AAK1: variants seen among roughly 807,000 people sequenced by gnomAD.
The protein encoded by AAK1 is AP2-associated protein kinase 1.
A neutral mutation model predicts 116.0 loss-of-function variants in AAK1; 37 were observed. That is an observed-to-expected ratio of 0.32 (90% CI 0.25 to 0.42). The LOEUF is 0.42. Ranked by LOEUF, AAK1 falls within the 10% of genes least tolerant of loss-of-function variation. The probability of loss-of-function intolerance (pLI) is 1.00; values close to 1 mark genes in which losing one functional copy is unlikely to be tolerated. For missense variants in AAK1, 919 were observed against 1,170.6 expected (o/e 0.79, Z 3.14); for synonymous variants, 458 against 439.9 (o/e 1.04, Z -0.51).
At chr2:69,587,408 CAT>C (rs1461452039) in intron 2 of AAK1, among the ~76,000 whole-genome samples, 17 of 150,474 alleles carry the variant, frequency 1.1e-4, no homozygotes, top group South Asian at 2.1e-4. Context: ...CATATATACA[CAT>C]GTGTATATAT....
At position 69,459,196 on chromosome 2, in the gene AAK1, C is replaced by A. The variant is rs1674283352; in HGVS notation, c.*16673G>T. 6.6e-6 allele frequency: 1 copy of A among 152,212 alleles called. No homozygotes were observed. The highest frequency in any genetic ancestry group is 2.4e-5 in the African/African-American group (1 of 41,460). 9.4% of individuals were successfully genotyped at this position (152,212 alleles called of 1,614,324 possible). A position where few individuals can be genotyped will look rare whatever the true frequency, so the allele number is the denominator to read the frequency against. On this transcript the variant is annotated 3_prime_UTR_variant, in exon 22 of 22. Transcript: ENST00000409085. ...ACTACAGAGTAAGGCTGGGGTCCTG[C>A]CAACCTTCCTTCATCCTTTCTTCTA... is the stretch of plus-strand genomic sequence containing the variant.
At chr2:69,519,669 A>G (rs2104996452) in intron 11 of AAK1, among the ~76,000 whole-genome samples, 1 of 152,316 alleles carries the variant, frequency 6.6e-6, no homozygotes, top group Admixed American at 6.5e-5. Flanking sequence ...GTAGATGGCC[A>G]CCAAATTCAC....
rs1487068954 is a variant in AAK1, at chr2:69,518,989, T to C, written c.1462A>G (p.Thr488Ala). ...PPPAQQQPAG[T>A]FYQQQQAQTQ... ...TGGGCCTGCTGCTGCTGGTAAAACG[T>C]GCCTGCCGGCTGCTGCTGTGCTGGC... The change falls in exon 12 of 22, where the codon ACG becomes GCG. Residue 488 changes from threonine (T) to alanine (A), a missense_variant. By Grantham distance (58) the Thr-to-Ala change is moderately conservative (BLOSUM62 0). Transcript: ENST00000409085. 6.5e-7 allele frequency: 1 copy of C among 1,549,664 alleles called. No individual in the cohort carries two copies. Among genetic ancestry groups the C allele is most frequent in the Non-Finnish European group, 8.7e-7 (1 of 1,146,738 alleles).
rs75701492 is a variant in AAK1, at chr2:69,575,612, G to A, written c.164-18634C>T. 7.1e-3 allele frequency among the ~76,000 whole-genome samples: 1,075 copies of A among 152,050 alleles called. 11 individuals are homozygous for A. Among genetic ancestry groups the A allele is most frequent in the African/African-American group, 0.024 (1,001 of 41,450 alleles). On this transcript the variant is annotated intron_variant, in intron 2 of 21. Coordinates refer to ENST00000409085, the MANE Select transcript of AAK1 (RefSeq NM_014911.5). Reference sequence around the variant, plus strand: ...GCCTCCCAAGTAGCCAGGATTACAGGCACGCGCCAACATGTCGGCTAATTT... The same window carrying A: ...GCCTCCCAAGTAGCCAGGATTACAGACACGCGCCAACATGTCGGCTAATTT...
At chr2:69,488,211 T>C (rs911123412) in intron 17 of AAK1, among the ~76,000 whole-genome samples, 48 of 151,138 alleles carry the variant, frequency 3.2e-4, no homozygotes, top group Non-Finnish European at 1.2e-4. Context: ...TGAATAACTA[T>C]TGGGTACTAT....
At chr2:69,482,981 T>C (rs919496165) in intron 17 of AAK1, among the ~76,000 whole-genome samples, 169 bp from the exon 18 acceptor site, 5 of 152,188 alleles carry the variant, frequency 3.3e-5, no homozygotes, top group Non-Finnish European at 5.9e-5. Context: ...TTTTCAAAAT[T>C]GGAAGTTTAA....
At chr2:69,513,486 AT>A (rs1326538251) in intron 13 of AAK1, among the ~76,000 whole-genome samples, 2 of 149,632 alleles carry the variant, frequency 1.3e-5, no homozygotes, top group African/African-American at 2.5e-5. Context: ...CGCCCGGCTA[AT>A]TTTTTTTTTG....
rs1345121766 is a variant in AAK1 at position 69,475,228 on chromosome 2, T to G, written c.*641A>C. The G allele has an allele frequency of 1.7e-5, 17 of 985,716 alleles. No homozygotes were observed. The highest frequency in any genetic ancestry group is 1.7e-5 in the African/African-American group (1 of 57,220). The allele number at this position is 985,716 out of a possible 1,614,324, so 61.1% of individuals were successfully genotyped here. On this transcript the variant is annotated 3_prime_UTR_variant, in exon 22 of 22. Transcript: ENST00000409085. ...TGGGCAGGTTGCATGGGGTGTAAAATCCCTTGGCTAAGTCTATGATCAAAC... is the reference window on the plus strand; with the variant it reads ...TGGGCAGGTTGCATGGGGTGTAAAAGCCCTTGGCTAAGTCTATGATCAAAC...
intron 2 of AAK1, among the ~76,000 whole-genome samples, chr2:69,621,414 G>T (rs1674622001): frequency 6.6e-6 from 1 of 152,120 alleles, no homozygotes; most frequent in African/African-American, 2.4e-5. Context: ...AGGCGACAGA[G>T]GTTGCAGTGA....
chr2:69,604,418 T>G (rs1037242857), intron 2 of AAK1, among the ~76,000 whole-genome samples: 1 of 152,220 alleles, frequency 6.6e-6, no homozygotes, highest in African/African-American at 2.4e-5. Flanking sequence ...GCCTCATTGC[T>G]TTCATGCTTC....
At chr2:69,559,920 C>T (rs2105092362) in intron 2 of AAK1, among the ~76,000 whole-genome samples, 1 of 152,278 alleles carries the variant, frequency 6.6e-6, no homozygotes, top group South Asian at 2.1e-4. Flanking sequence ...GCAAGATGAC[C>T]TTTACAGCCA....
intron 2 of AAK1, among the ~76,000 whole-genome samples, chr2:69,564,177 G>A (rs552963074): frequency 3.1e-4 from 47 of 151,714 alleles, no homozygotes; most frequent in African/African-American, 1.1e-3. Context: ...GAGTGACAGA[G>A]TGAGACTCCA....
chr2:69,526,162 G>A (rs141235098), intron 9 of AAK1, among the ~76,000 whole-genome samples: 201 of 152,280 alleles, frequency 1.3e-3, no homozygotes, highest in Middle Eastern at 3.4e-3. Flanking sequence ...AAGAAGAGCT[G>A]GTCCCCCAGG....
chr2:69,461,595 ATTT>A lies in AAK1; in HGVS notation c.*14271_*14273del, dbSNP rs201581559. 512 of 375,970 alleles carry A rather than the reference ATTT, an allele frequency of 1.4e-3. No homozygotes were observed. The highest frequency in any genetic ancestry group is 2.3e-3 in the Admixed American group (76 of 33,114). The allele number at this position is 375,970 out of a possible 1,614,324, so 23.3% of individuals were successfully genotyped here. ...TCCACCCATCATGTCTCCAGTGACA[ATTT>A]TTTTTTTTTTTTTGAGGCGGAGTTT... is the stretch of plus-strand genomic sequence containing the variant. On this transcript the variant is annotated 3_prime_UTR_variant, in exon 22 of 22. Coordinates refer to ENST00000409085, the MANE Select transcript of AAK1 (RefSeq NM_014911.5).
At chr2:69,637,765 A>C (rs980925893) in intron 2 of AAK1, among the ~76,000 whole-genome samples, 2 of 152,124 alleles carry the variant, frequency 1.3e-5, no homozygotes, top group African/African-American at 4.8e-5. Context: ...CTGATGCAGT[A>C]ATATTTTTTG....
chr2:69,530,294 CACT>C (rs1377487621), intron 7 of AAK1, among the ~76,000 whole-genome samples, 154 bp from the exon 8 acceptor site: 1 of 152,140 alleles, frequency 6.6e-6, no homozygotes, highest in Non-Finnish European at 1.5e-5. Flanking sequence ...AACCCAACAC[CACT>C]GTTAGCAGCT....
chr2:69,501,706 C>T (rs1171370802), intron 16 of AAK1, among the ~76,000 whole-genome samples: 3 of 152,226 alleles, frequency 2.0e-5, no homozygotes, highest in Admixed American at 6.5e-5. Context: ...CGAGGTGGCT[C>T]ACGCCTGTAA....
intron 2 of AAK1, among the ~76,000 whole-genome samples, chr2:69,584,380 T>C (rs1490659903): frequency 6.6e-6 from 1 of 152,172 alleles, no homozygotes; most frequent in Non-Finnish European, 1.5e-5. Context: ...TATAATTCGC[T>C]CTTGGGAACT....
chr2:69,618,630 C>T (rs1276329835), intron 2 of AAK1, among the ~76,000 whole-genome samples: 2 of 152,128 alleles, frequency 1.3e-5, no homozygotes, highest in Non-Finnish European at 2.9e-5. Context: ...CCCTGCCTTG[C>T]CTTTGTACTT....
Sources: gnomAD v4.1 joint callset for allele counts (sites outside exome capture counted in the v4.1 genomes callset) on GRCh38, gnomAD v4.1.1 for gene constraint, MANE v1.5 for transcripts, NCBI Gene and HGNC (gene_info 2026-07-23, HGNC 2026-07-21) for gene names.